The following SCAPER variants were observed in gnomAD, a reference collection of about 807,000 sequenced individuals.
SCAPER encodes S-phase cyclin A associated protein in the ER, also known as S phase cyclin A-associated protein in the endoplasmic reticulum.
Under a neutral mutation model 182.2 loss-of-function variants are expected in SCAPER, and 98 were observed. That is an observed-to-expected ratio of 0.54 (90% CI 0.46 to 0.64). SCAPER has a LOEUF of 0.64. Ranked by LOEUF, SCAPER falls within the 30% of genes least tolerant of loss-of-function variation. The pLI is 0.00. For synonymous variants in SCAPER, 605 were observed against 564.6 expected (o/e 1.07, Z -1.01); for missense variants, 1,432 against 1,690.0 (o/e 0.85, Z 2.68).
At chr15:76,894,953 C>T (rs886357527) in intron 1 of SCAPER, among the ~76,000 whole-genome samples, 1 of 152,144 alleles carries the variant, frequency 6.6e-6, no homozygotes, top group Non-Finnish European at 1.5e-5. Context: ...TTCTACCAAA[C>T]ATTTAACGAA....
intron 8 of SCAPER, among the ~76,000 whole-genome samples, chr15:76,791,158 A>C (rs1317585528): frequency 6.6e-6 from 1 of 152,256 alleles, no homozygotes; most frequent in Non-Finnish European, 1.5e-5. Flanking sequence ...AACAAACAGA[A>C]TCATTTAAAT....
chr15:76,763,240 T>C (rs1351653453), intron 14 of SCAPER, among the ~76,000 whole-genome samples: 2 of 151,822 alleles, frequency 1.3e-5, no homozygotes, highest in African/African-American at 4.8e-5. Flanking sequence ...ATAGTAATCA[T>C]GGCTGGCAGG....
At chr15:76,710,613 T>C (rs531513710) in intron 17 of SCAPER, among the ~76,000 whole-genome samples, 1 of 152,242 alleles carries the variant, frequency 6.6e-6, no homozygotes, top group Admixed American at 6.5e-5. Context: ...CAAAACCTTG[T>C]TGTCAGAAAT....
intron 18 of SCAPER, among the ~76,000 whole-genome samples, chr15:76,704,371 G>T (rs1412476807): frequency 6.6e-6 from 1 of 152,070 alleles, no homozygotes; most frequent in Non-Finnish European, 1.5e-5. Context: ...CATTGCTTTT[G>T]GTGTTTTAGA....
intron 27 of SCAPER, among the ~76,000 whole-genome samples, chr15:76,384,458 T>C (rs1361031265): frequency 3.9e-5 from 6 of 152,214 alleles, no homozygotes; most frequent in African/African-American, 1.4e-4. Context: ...AAAAAATCTT[T>C]TTTTTAAAAA....
intron 25 of SCAPER, among the ~76,000 whole-genome samples, chr15:76,435,210 AAG>A (rs565462073): frequency 6.6e-6 from 1 of 152,220 alleles, no homozygotes; most frequent in African/African-American, 2.4e-5. Context: ...TGTACTTGGA[AAG>A]AGAGAAAGAA....
chr15:76,887,926 G>A (rs1403071190), intron 1 of SCAPER, among the ~76,000 whole-genome samples: 1 of 152,194 alleles, frequency 6.6e-6, no homozygotes, highest in Non-Finnish European at 1.5e-5. Flanking sequence ...ACCTCATACA[G>A]GCAAGGGTCC....
At chr15:76,428,228 G>A (rs2046579596) in intron 26 of SCAPER, among the ~76,000 whole-genome samples, 1 of 152,174 alleles carries the variant, frequency 6.6e-6, no homozygotes, top group South Asian at 2.1e-4. Flanking sequence ...TAGAACTACT[G>A]TATGATCCAG....
intron 5 of SCAPER, among the ~76,000 whole-genome samples, chr15:76,833,942 A>G (rs1001484121): frequency 1.3e-5 from 2 of 152,222 alleles, no homozygotes; most frequent in Non-Finnish European, 2.9e-5. Flanking sequence ...ACAGTGTTAG[A>G]CCGATCAAGG....
At chr15:76,868,842 AAAG>A (rs2072492599) in intron 2 of SCAPER, among the ~76,000 whole-genome samples, 2 of 152,348 alleles carry the variant, frequency 1.3e-5, no homozygotes, top group Admixed American at 1.3e-4. Context: ...ACCTGGGCAA[AAAG>A]AATAAAGCTG....
intron 21 of SCAPER, among the ~76,000 whole-genome samples, chr15:76,646,238 T>A (rs1465206161): frequency 1.3e-5 from 2 of 151,974 alleles, no homozygotes; most frequent in African/African-American, 4.8e-5. Flanking sequence ...ATACTAAGGG[T>A]TAACTCTGAA....
At chr15:76,512,190 A>C (rs1017379154) in intron 23 of SCAPER, among the ~76,000 whole-genome samples, 15 of 151,782 alleles carry the variant, frequency 9.9e-5, no homozygotes, top group African/African-American at 3.6e-4. Flanking sequence ...GTCCGGCCCC[A>C]TTATACATGG....
intron 27 of SCAPER, among the ~76,000 whole-genome samples, chr15:76,400,022 G>GAAA (rs2044354870): frequency 6.9e-6 from 1 of 144,846 alleles, no homozygotes; most frequent in African/African-American, 2.5e-5. Context: ...AAAAAAAAAA[G>GAAA]AGAAAAGAAA....
chr15:76,680,082 A>G (rs1398171415), intron 20 of SCAPER, among the ~76,000 whole-genome samples: 2 of 152,152 alleles, frequency 1.3e-5, no homozygotes, highest in African/African-American at 4.8e-5. Context: ...TATATCACAA[A>G]TAACATCAAT....
intron 24 of SCAPER, among the ~76,000 whole-genome samples, chr15:76,474,275 G>C (rs1001087222): frequency 6.6e-6 from 1 of 152,186 alleles, no homozygotes; most frequent in South Asian, 2.1e-4. Context: ...AACTTCCTAT[G>C]ATGTTCCAGG....
chr15:76,746,205 T>C (rs574444527), intron 15 of SCAPER, among the ~76,000 whole-genome samples: 4 of 152,330 alleles, frequency 2.6e-5, no homozygotes, highest in South Asian at 4.1e-4. Context: ...CTTGACCTGA[T>C]AAAGGACATA....
At chr15:76,421,990 T>G (rs2046080065) in intron 26 of SCAPER, among the ~76,000 whole-genome samples, 1 of 152,212 alleles carries the variant, frequency 6.6e-6, no homozygotes, top group Non-Finnish European at 1.5e-5. Flanking sequence ...TATCTCTGTT[T>G]TGGTACCAGT....
intron 31 of SCAPER, chr15:76,349,412 G>C (rs1321834752): frequency 6.6e-6 from 1 of 151,622 alleles, no homozygotes; most frequent in Non-Finnish European, 1.5e-5. Context: ...AGGAATGAAT[G>C]ATAGGAGCTT....
intron 1 of SCAPER, among the ~76,000 whole-genome samples, chr15:76,888,246 A>G (rs1412286863): frequency 6.6e-6 from 1 of 152,252 alleles, no homozygotes; most frequent in Non-Finnish European, 1.5e-5. Flanking sequence ...AAAGCTGAAA[A>G]TTCTAAAAAC....
Sources: allele counts gnomAD v4.1 joint callset (sites outside exome capture counted in the v4.1 genomes callset), GRCh38; gene constraint gnomAD v4.1.1; transcripts MANE v1.5; gene names NCBI Gene and HGNC (gene_info 2026-07-23, HGNC 2026-07-21).